The following EIF4G3 variants were observed in gnomAD, a reference collection of about 807,000 sequenced individuals.
EIF4G3 encodes the protein eukaryotic translation initiation factor 4 gamma 3.
Under a neutral mutation model 186.4 loss-of-function variants are expected in EIF4G3, and 34 were observed. The observed-to-expected ratio is 0.18, with a 90% confidence interval of 0.14 to 0.24. The LOEUF (loss-of-function observed/expected upper bound fraction) is 0.24, where lower values mean the gene tolerates loss of function less well. EIF4G3 is among the 10% of genes least tolerant of loss of function. EIF4G3 has a pLI of 1.00. For synonymous variants in EIF4G3, 673 were observed against 679.5 expected (o/e 0.99, Z 0.15); for missense variants, 1,536 against 1,948.5 (o/e 0.79, Z 3.99).
At chr1:20,909,364 A>G (rs953347762) in intron 14 of EIF4G3, among the ~76,000 whole-genome samples, 1 of 152,204 alleles carries the variant, frequency 6.6e-6, no homozygotes, top group Non-Finnish European at 1.5e-5. Context: ...CATGGTTTTT[A>G]GTCTAAAATC....
chr1:20,972,997 C>G lies in EIF4G3; in HGVS notation c.591+5G>C. On this transcript the variant is annotated splice_donor_5th_base_variant and intron_variant, in intron 11 of 36. Coordinates refer to ENST00000602326, the MANE Select transcript of EIF4G3 (RefSeq NM_001391906.1). ...AAATAAGAAAAAGTAATAAAAATCTCTTACAGTTTTTTTCTCTCTCTTGGC... is the reference window on the plus strand; with the variant it reads ...AAATAAGAAAAAGTAATAAAAATCTGTTACAGTTTTTTTCTCTCTCTTGGC... The G allele has an allele frequency of 6.3e-7, 1 of 1,586,168 alleles. No homozygotes were observed. The highest frequency in any genetic ancestry group is 8.5e-7 in the Non-Finnish European group (1 of 1,169,844).
At chr1:21,096,930 G>C (rs1205785603) in intron 2 of EIF4G3, among the ~76,000 whole-genome samples, 1 of 152,098 alleles carries the variant, frequency 6.6e-6, no homozygotes, top group African/African-American at 2.4e-5. Flanking sequence ...ATGGAACTTA[G>C]GTTAAAAAAT....
chr1:21,081,015 T>C (rs2095760322), intron 3 of EIF4G3, among the ~76,000 whole-genome samples: 1 of 152,258 alleles, frequency 6.6e-6, no homozygotes, highest in African/African-American at 2.4e-5. Flanking sequence ...CCACAGTTTA[T>C]ACTGCAGAGG....
At chr1:20,993,265 C>T (rs10916920) in intron 7 of EIF4G3, among the ~76,000 whole-genome samples, 4,415 of 152,146 alleles carry the variant, frequency 0.029, 204 homozygotes, top group African/African-American at 0.098. Context: ...AGTTAAAAGA[C>T]CTTTTAAATA....
At position 21,077,340 on chromosome 1, in the gene EIF4G3, G is replaced by A. The variant is rs561641447; in HGVS notation, c.-196+11798C>T. On this transcript the variant is annotated intron_variant, in intron 3 of 36. Coordinates refer to ENST00000602326, the MANE Select transcript of EIF4G3 (RefSeq NM_001391906.1). Reference sequence around the variant, plus strand: ...CACTCAAGCCCAGGATGTTGAGGCTGCAGTGAGTCAGGATTGCACCACTGT... The same window carrying A: ...CACTCAAGCCCAGGATGTTGAGGCTACAGTGAGTCAGGATTGCACCACTGT... Among the ~76,000 whole-genome samples the A allele has an allele frequency of 4.0e-5, 6 of 151,586 alleles. No individual in the cohort carries two copies. In the East Asian group the frequency reaches 1.2e-3, roughly 29 times the overall value.
At chr1:21,080,927 A>T (rs2095757905) in intron 3 of EIF4G3, among the ~76,000 whole-genome samples, 1 of 152,242 alleles carries the variant, frequency 6.6e-6, no homozygotes, top group Non-Finnish European at 1.5e-5. Context: ...TTATATTAAA[A>T]ATACTAGCCT....
chr1:20,860,005 T>A (rs1316544990), intron 24 of EIF4G3, among the ~76,000 whole-genome samples: 1 of 152,250 alleles, frequency 6.6e-6, no homozygotes, highest in Admixed American at 6.5e-5. Context: ...TGATATACTA[T>A]CTTCCATTTG....
chr1:21,003,964 A>T (rs1422959539), intron 4 of EIF4G3: 3 of 172,228 alleles, frequency 1.7e-5, no homozygotes, highest in Admixed American at 6.5e-5. Flanking sequence ...TGAAGGAAAG[A>T]CTAGGTACAA....
intron 14 of EIF4G3, among the ~76,000 whole-genome samples, chr1:20,908,637 G>A (rs148482910): frequency 6.6e-6 from 1 of 152,240 alleles, no homozygotes; most frequent in East Asian, 1.9e-4. Context: ...AAATGGAAGA[G>A]TCTCTTAGTT....
chr1:20,840,347 C>A (rs1019981910), intron 30 of EIF4G3, among the ~76,000 whole-genome samples: 7 of 152,190 alleles, frequency 4.6e-5, no homozygotes, highest in African/African-American at 1.7e-4. Context: ...ATGAAACCAA[C>A]CTGAAATAGA....
At chr1:20,994,996 C>G (rs564757754) in intron 7 of EIF4G3, among the ~76,000 whole-genome samples, 27 of 152,244 alleles carry the variant, frequency 1.8e-4, no homozygotes, top group Admixed American at 3.9e-4. Context: ...CAGTATCATA[C>G]AGTTAAACGA....
chr1:21,041,508 C>G (rs1377431819), intron 4 of EIF4G3, among the ~76,000 whole-genome samples: 1 of 152,150 alleles, frequency 6.6e-6, no homozygotes, highest in Non-Finnish European at 1.5e-5. Flanking sequence ...CTGCACTAAA[C>G]AGGCATGTGA....
At chr1:21,176,491 A>AGGC (rs1271483198) in intron 1 of EIF4G3, 133 bp from the exon 2 acceptor site, 3 of 97,186 alleles carry the variant, frequency 3.1e-5, no homozygotes, top group Middle Eastern at 4.7e-3. Context: ...AGACCCGGGG[A>AGGC]GGCGGCGGGA....
intron 4 of EIF4G3, among the ~76,000 whole-genome samples, chr1:21,016,891 C>A (rs1279615906): frequency 6.6e-6 from 1 of 151,110 alleles, no homozygotes; most frequent in African/African-American, 2.4e-5. Context: ...ATCATTTGAA[C>A]CCAGGAGGCG....
chr1:21,162,448 T>TAAAAAA (rs149741247), intron 2 of EIF4G3, among the ~76,000 whole-genome samples: 6 of 125,214 alleles, frequency 4.8e-5, no homozygotes, highest in Non-Finnish European at 8.3e-5. Context: ...GACATCATCT[T>TAAAAAA]AAAAAAAAAA....
chr1:21,096,424 C>G (rs2096371763), intron 2 of EIF4G3, among the ~76,000 whole-genome samples: 1 of 152,182 alleles, frequency 6.6e-6, no homozygotes, highest in Admixed American at 6.5e-5. Flanking sequence ...ATGGGTACAA[C>G]ATATGTTTTT....
chr1:21,119,674 T>TAATA lies in EIF4G3; in HGVS notation c.-271-30462_-271-30461insTATT, dbSNP rs1187751910. Reference sequence around the variant, plus strand: ...AACCTATAGATCTGCAGGTGGCTTGTGCTATTAACTATTACTTTTTTTAAG... The same window carrying TAATA: ...AACCTATAGATCTGCAGGTGGCTTGTAATAGCTATTAACTATTACTTTTTTTAAG... On this transcript the variant is annotated intron_variant, in intron 2 of 36. Coordinates refer to ENST00000602326, the MANE Select transcript of EIF4G3 (RefSeq NM_001391906.1). Among the ~76,000 whole-genome samples the TAATA allele has an allele frequency of 7.2e-5, 11 of 152,324 alleles. No individual in the cohort carries two copies. The East Asian group carries it at 1.9e-3, about 27-fold the overall frequency.
intron 13 of EIF4G3, among the ~76,000 whole-genome samples, chr1:20,947,115 A>G (rs191589171): frequency 2.0e-4 from 30 of 152,258 alleles, no homozygotes; most frequent in African/African-American, 7.0e-4. Context: ...GGCAGGCCGT[A>G]GCAGGCAGGT....
chr1:20,884,581 A>C (rs75956820), intron 19 of EIF4G3, among the ~76,000 whole-genome samples: 3 of 151,994 alleles, frequency 2.0e-5, no homozygotes, highest in South Asian at 4.1e-4. Context: ...GACAAAAAAG[A>C]CTTTTTTTTC....
Sources: allele counts gnomAD v4.1 joint callset (sites outside exome capture counted in the v4.1 genomes callset), GRCh38; gene constraint gnomAD v4.1.1; transcripts MANE v1.5; gene names NCBI Gene and HGNC (gene_info 2026-07-23, HGNC 2026-07-21).